Variants in BCAS3 observed in about 807,000 individuals in gnomAD.
BCAS3 encodes the protein BCAS3 microtubule associated cell migration factor, also known as BCAS4/BCAS3 fusion.
A neutral mutation model predicts 116.1 loss-of-function variants in BCAS3; 53 were observed. That is an observed-to-expected ratio of 0.46 (90% confidence interval 0.37 to 0.57). The LOEUF (loss-of-function observed/expected upper bound fraction) is 0.57. BCAS3 is among the 20% of genes least tolerant of loss of function. The pLI, the probability that BCAS3 is intolerant of heterozygous loss-of-function variation, is 0.00. For missense variants in BCAS3, 917 were observed against 1,165.4 expected (o/e 0.79, Z 3.10); for synonymous variants, 391 against 408.2 (o/e 0.96, Z 0.51).
intron 6 of BCAS3, among the ~76,000 whole-genome samples, chr17:60,767,796 TATTTA>T (rs2144395475): frequency 6.6e-6 from 1 of 152,146 alleles, no homozygotes; most frequent in East Asian, 1.9e-4. Flanking sequence ...CCAATTTATT[TATTTA>T]TTTATTTACA....
At chr17:61,089,965 T>G (rs924551325) in intron 22 of BCAS3, among the ~76,000 whole-genome samples, 3 of 152,160 alleles carry the variant, frequency 2.0e-5, no homozygotes, top group Admixed American at 6.5e-5. Context: ...AAGAGATTAG[T>G]GAGAGACATT....
intron 6 of BCAS3, among the ~76,000 whole-genome samples, chr17:60,766,730 G>A (rs2044134164): frequency 6.6e-6 from 1 of 152,234 alleles, no homozygotes; most frequent in South Asian, 2.1e-4. Flanking sequence ...TCTCTTGAGA[G>A]CTGTCGGGCA....
At position 61,229,235 on chromosome 17, in the gene BCAS3, A is replaced by G. The variant is rs1039886773; in HGVS notation, c.2426-139092A>G. Among the ~76,000 whole-genome samples the G allele has an allele frequency of 6.6e-6, 1 of 152,210 alleles. No homozygotes were observed. Among genetic ancestry groups the G allele is most frequent in the East Asian group, 1.9e-4 (1 of 5,202 alleles). ...CCAGAGCAAGGCCCTACCTCTTTCA[A>G]TTCTATGAAGCTGAGAGAGGTGAGG... On this transcript the variant is annotated intron_variant, in intron 22 of 23. Coordinates refer to ENST00000407086, the MANE Select transcript of BCAS3 (RefSeq NM_017679.5). The surrounding 1 kb of genome is among the most constrained non-coding windows in gnomAD (Gnocchi z 4.4).
At chr17:60,991,588 T>C (rs1418361906) in intron 15 of BCAS3, among the ~76,000 whole-genome samples, 1 of 152,222 alleles carries the variant, frequency 6.6e-6, no homozygotes, top group African/African-American at 2.4e-5. Context: ...GAATCTTATA[T>C]AGAGAGATTG....
chr17:61,075,065 A>T, intron 20 of BCAS3, 45 bp downstream of exon 20: 1 of 1,444,724 alleles, frequency 6.9e-7, no homozygotes, highest in Non-Finnish European at 9.7e-7. Context: ...AATAAAACAG[A>T]AATTTACTGT....
In BCAS3 at chr17:60,910,649, T is replaced by G; in HGVS notation, c.940T>G (p.Leu314Val). Residue 314 changes from leucine to valine, a missense_variant, in exon 12 of 24, where the codon TTG (leucine) becomes GTG (valine). Around this residue, in one of 3 missense-constraint regions of BCAS3, gnomAD observed 807 missense variants for 1,026.0 expected, o/e 0.79. Transcript: ENST00000407086. ...AIHSNSRRSPLVPGIITVIDT... is the reference protein window; with the variant it reads ...AIHSNSRRSPVVPGIITVIDT... ...CCACAGTAATTCACGGCGGAGTCCT[T>G]TGGTCCCAGGCATCATCACAGTTAT... The G allele has an allele frequency of 6.2e-7, 1 of 1,613,280 alleles. No homozygotes were observed. Among genetic ancestry groups the G allele is most frequent in the Non-Finnish European group, 8.5e-7 (1 of 1,179,670 alleles).
chr17:61,264,233 GTTCTAC>G (rs1407016265), intron 22 of BCAS3, among the ~76,000 whole-genome samples: 8 of 151,958 alleles, frequency 5.3e-5, no homozygotes, highest in Admixed American at 2.0e-4. Context: ...AGATCTTGCA[GTTCTAC>G]TTCTAAGTAT....
At position 61,215,045 on chromosome 17, in the gene BCAS3, G is replaced by A. The variant is rs1468001431; in HGVS notation, c.2425+130481G>A. Among the ~76,000 whole-genome samples the A allele has an allele frequency of 6.6e-6, 1 of 152,046 alleles. No individual in the cohort carries two copies. The highest frequency in any genetic ancestry group is 1.5e-5 in the Non-Finnish European group (1 of 68,030). ...TTTTGATCACTGGAGCAGATAAGCAGGAAATATAACTAACCAAGATTAATT... is the reference window on the plus strand; with the variant it reads ...TTTTGATCACTGGAGCAGATAAGCAAGAAATATAACTAACCAAGATTAATT... On this transcript the variant is annotated intron_variant, in intron 22 of 23. Coordinates refer to ENST00000407086, the MANE Select transcript of BCAS3 (RefSeq NM_017679.5). The surrounding 1 kb of genome is among the most constrained non-coding windows in gnomAD (Gnocchi z 4.8).
chr17:61,155,329 A>G (rs2077769720), intron 22 of BCAS3, among the ~76,000 whole-genome samples: 1 of 152,162 alleles, frequency 6.6e-6, no homozygotes, highest in South Asian at 2.1e-4. Flanking sequence ...GAATTGGGGC[A>G]ATAAATATGT....
chr17:61,059,345 G>A (rs554349660), intron 19 of BCAS3, among the ~76,000 whole-genome samples: 2 of 152,050 alleles, frequency 1.3e-5, no homozygotes, highest in Admixed American at 1.3e-4. Flanking sequence ...GCCTCCCAAA[G>A]TTCTGGGATT....
chr17:61,272,667 A>G (rs950581228), intron 22 of BCAS3, among the ~76,000 whole-genome samples: 23 of 140,172 alleles, frequency 1.6e-4, no homozygotes, highest in Non-Finnish European at 2.9e-4. Context: ...AAAAAAAAAA[A>G]GCAATTTTGA....
intron 14 of BCAS3, among the ~76,000 whole-genome samples, chr17:60,985,943 A>C (rs555975429): frequency 6.6e-6 from 1 of 152,116 alleles, no homozygotes; most frequent in South Asian, 2.1e-4. Context: ...CACCATGTTG[A>C]CCAGGCTGGT....
In BCAS3 at chr17:61,124,177, C is replaced by T. The variant is rs2075940315; in HGVS notation, c.2425+39613C>T. ...ACTCATTTTGTGTTTGTTTATTTAA[C>T]ACCAATGGTTTCCTATTGGCTTCTT... On this transcript the variant is annotated intron_variant, in intron 22 of 23. Transcript: ENST00000407086. The surrounding 1 kb of genome is among the most constrained non-coding windows in gnomAD (Gnocchi z 4.6). Among the ~76,000 whole-genome samples the T allele has an allele frequency of 6.6e-6, 1 of 152,068 alleles. No individual in the cohort carries two copies. The highest frequency in any genetic ancestry group is 1.5e-5 in the Non-Finnish European group (1 of 67,974).
At chr17:61,076,472 T>G (rs2072000701) in intron 20 of BCAS3, among the ~76,000 whole-genome samples, 1 of 152,244 alleles carries the variant, frequency 6.6e-6, no homozygotes, top group Non-Finnish European at 1.5e-5. Flanking sequence ...TCCTGGCATG[T>G]GGCGGTCCAT....
rs2143965203 is a variant in BCAS3, at chr17:61,145,810, G to A, written c.2425+61246G>A. Among the ~76,000 whole-genome samples, 1 of 152,144 alleles carries A rather than the reference G, an allele frequency of 6.6e-6. No individual in the cohort carries two copies. Among genetic ancestry groups the A allele is most frequent in the East Asian group, 1.9e-4 (1 of 5,182 alleles). ...TATGAAAGTCCTCTTAACAAGCGTG[G>A]ACAGAGGAAGTTTTAGGTTTGATTT... On this transcript the variant is annotated intron_variant, in intron 22 of 23. Coordinates refer to ENST00000407086, the MANE Select transcript of BCAS3 (RefSeq NM_017679.5). The surrounding 1 kb of genome is among the most constrained non-coding windows in gnomAD (Gnocchi z 5.0).
intron 13 of BCAS3, among the ~76,000 whole-genome samples, chr17:60,926,298 G>A (rs914997677): frequency 3.9e-5 from 6 of 152,078 alleles, no homozygotes; most frequent in African/African-American, 1.4e-4. Context: ...ATGTATCTAA[G>A]GAGCATGCTA....
intron 14 of BCAS3, among the ~76,000 whole-genome samples, chr17:60,976,114 C>T (rs1305761155): frequency 1.4e-5 from 2 of 143,596 alleles, no homozygotes; most frequent in African/African-American, 2.6e-5. Context: ...AGCTCTGCCT[C>T]CCGGGTTCAC....
chr17:60,689,866 T>C, intron 4 of BCAS3, 105 bp downstream of exon 4: 1 of 760,132 alleles, frequency 1.3e-6, no homozygotes, highest in Non-Finnish European at 2.1e-6. Flanking sequence ...TCTCTTATAG[T>C]AATTTTTCAG....
chr17:61,048,576 A>G (rs1476050350), intron 19 of BCAS3, among the ~76,000 whole-genome samples: 1 of 152,012 alleles, frequency 6.6e-6, no homozygotes, highest in African/African-American at 2.4e-5. Flanking sequence ...GAACACAGCC[A>G]CACTGTTTCA....
Sources: allele counts gnomAD v4.1 joint callset (sites outside exome capture counted in the v4.1 genomes callset), GRCh38; gene constraint gnomAD v4.1.1; regional missense constraint gnomAD v4.1.1; non-coding constraint Gnocchi (gnomAD v3.1); transcripts MANE v1.5; gene names NCBI Gene and HGNC (gene_info 2026-07-23, HGNC 2026-07-21).